GRID2: variants seen among roughly 807,000 people sequenced by gnomAD.
GRID2 encodes the protein glutamate receptor ionotropic, delta-2.
Under a neutral mutation model 114.8 loss-of-function variants are expected in GRID2, and 33 were observed. The observed-to-expected ratio is 0.29, with a 90% CI of 0.22 to 0.38. The LOEUF is 0.38. Among genes scored for constraint, GRID2 ranks in the 10% least tolerant of loss-of-function variants. The pLI, the probability that GRID2 is intolerant of heterozygous loss-of-function variation, is 1.00. For missense variants in GRID2, 1,184 were observed against 1,257.7 expected (o/e 0.94, Z 0.89); for synonymous variants, 505 against 449.9 (o/e 1.12, Z -1.55).
chr4:92,808,624 G>T (rs1740526014), intron 2 of GRID2, among the ~76,000 whole-genome samples: 1 of 151,916 alleles, frequency 6.6e-6, no homozygotes. Flanking sequence ...TTATAAACAG[G>T]ACCAGAGAAC....
At chr4:92,356,419 A>T (rs1202670966) in intron 1 of GRID2, among the ~76,000 whole-genome samples, 1 of 151,520 alleles carries the variant, frequency 6.6e-6, no homozygotes, top group African/African-American at 2.4e-5. Flanking sequence ...TATTTTAATG[A>T]TCTCTTTTAC....
intron 1 of GRID2, among the ~76,000 whole-genome samples, chr4:92,452,824 C>T (rs1720998556): frequency 1.5e-5 from 2 of 130,672 alleles, no homozygotes; most frequent in South Asian, 4.7e-4. Flanking sequence ...ATATGTTTAC[C>T]ATATATATAT....
At chr4:92,889,883 T>C in intron 2 of GRID2, among the ~76,000 whole-genome samples, 1 of 152,102 alleles carries the variant, frequency 6.6e-6, no homozygotes, top group South Asian at 2.1e-4. Context: ...AAGGCTACAG[T>C]AACCAAACAG....
intron 2 of GRID2, among the ~76,000 whole-genome samples, chr4:92,954,522 G>C (rs1483745105): frequency 6.6e-6 from 1 of 151,838 alleles, no homozygotes; most frequent in African/African-American, 2.4e-5. Context: ...CACCTCCCAG[G>C]TTCGCGCCAT....
intron 2 of GRID2, among the ~76,000 whole-genome samples, chr4:92,740,952 C>T (rs1311274733): frequency 6.6e-6 from 1 of 152,032 alleles, no homozygotes; most frequent in Non-Finnish European, 1.5e-5. Flanking sequence ...AGGGGTTTCA[C>T]CATGTTGGGC....
At chr4:92,988,542 GAAGA>G (rs1754649033) in intron 2 of GRID2, among the ~76,000 whole-genome samples, 1 of 152,148 alleles carries the variant, frequency 6.6e-6, no homozygotes, top group African/African-American at 2.4e-5. Flanking sequence ...GATCTCACTT[GAAGA>G]GAGAGGATTG....
At chr4:92,576,753 A>G (rs1330602431) in intron 1 of GRID2, among the ~76,000 whole-genome samples, 1 of 152,130 alleles carries the variant, frequency 6.6e-6, no homozygotes, top group East Asian at 1.9e-4. Flanking sequence ...CTGGGATCAC[A>G]CAATCACTCA....
intron 2 of GRID2, among the ~76,000 whole-genome samples, chr4:92,646,817 A>G (rs1579756975): frequency 1.3e-5 from 2 of 152,132 alleles, no homozygotes; most frequent in South Asian, 4.1e-4. Flanking sequence ...TTCATTTATC[A>G]TTATTATCAC....
At position 93,631,415 on chromosome 4, in the gene GRID2, T is replaced by G. The variant is rs1372624718; in HGVS notation, c.2360+4980T>G. Among the ~76,000 whole-genome samples, 3 of 152,176 alleles carry G rather than the reference T, an allele frequency of 2.0e-5. No individual in the cohort carries two copies. The East Asian group carries it at 5.8e-4, about 29-fold the overall frequency. ...GGTGTGTGATGCTCCCCTTCCCGTG[T>G]CCAAGTGTTCTCATTGTTCAATTCC... On this transcript the variant is annotated intron_variant, in intron 14 of 15. Transcript: ENST00000282020.
intron 2 of GRID2, among the ~76,000 whole-genome samples, chr4:92,595,052 A>G (rs960035091): frequency 6.6e-6 from 1 of 152,128 alleles, no homozygotes; most frequent in South Asian, 2.1e-4. Context: ...GAAGTGAAGC[A>G]TCATTCTTTG....
chr4:92,678,216 G>C (rs186681817), intron 2 of GRID2, among the ~76,000 whole-genome samples: 5 of 151,934 alleles, frequency 3.3e-5, no homozygotes, highest in African/African-American at 1.2e-4. Context: ...AGCCTTCTCT[G>C]CTGTACTTTT....
At chr4:92,791,265 T>G (rs1161772349) in intron 2 of GRID2, among the ~76,000 whole-genome samples, 1 of 151,732 alleles carries the variant, frequency 6.6e-6, no homozygotes, top group African/African-American at 2.4e-5. Context: ...TTCAGCCTTA[T>G]TACTTCCCGC....
At chr4:93,124,765 A>G (rs572149068) in intron 4 of GRID2, among the ~76,000 whole-genome samples, 1 of 152,182 alleles carries the variant, frequency 6.6e-6, no homozygotes, top group Non-Finnish European at 1.5e-5. Flanking sequence ...TAATACAAAT[A>G]GGAGGGAAAA....
intron 1 of GRID2, among the ~76,000 whole-genome samples, chr4:92,564,562 G>A (rs926039275): frequency 1.3e-5 from 2 of 151,900 alleles, no homozygotes; most frequent in East Asian, 1.9e-4. Context: ...TCTTTAGAGA[G>A]TAGAAGGGTT....
At chr4:93,162,285 T>C (rs1030224737) in intron 4 of GRID2, among the ~76,000 whole-genome samples, 3 of 152,014 alleles carry the variant, frequency 2.0e-5, no homozygotes, top group Admixed American at 1.3e-4. Flanking sequence ...TTAATTAAAT[T>C]GTATATATTC....
intron 2 of GRID2, among the ~76,000 whole-genome samples, chr4:92,962,104 A>G (rs938169559): frequency 6.6e-6 from 1 of 151,950 alleles, no homozygotes; most frequent in African/African-American, 2.4e-5. Flanking sequence ...TTCTTAGCAT[A>G]TAAACTGTAG....
intron 8 of GRID2, among the ~76,000 whole-genome samples, chr4:93,391,364 T>C (rs1194734816): frequency 6.6e-6 from 1 of 152,198 alleles, no homozygotes; most frequent in Non-Finnish European, 1.5e-5. Context: ...TCTAAGTGGC[T>C]GGCTTTTAAG....
At chr4:93,131,770 G>A (rs1264041086) in intron 4 of GRID2, among the ~76,000 whole-genome samples, 1 of 151,976 alleles carries the variant, frequency 6.6e-6, no homozygotes, top group Non-Finnish European at 1.5e-5. Flanking sequence ...CTTCATGTTG[G>A]AAACATTCCT....
At chr4:92,394,132 A>C (rs1246989311) in intron 1 of GRID2, among the ~76,000 whole-genome samples, 1 of 152,262 alleles carries the variant, frequency 6.6e-6, no homozygotes, top group South Asian at 2.1e-4. Context: ...GAAATGCCTC[A>C]TTGTCCAACT....
Sources: allele counts gnomAD v4.1 joint callset (sites outside exome capture counted in the v4.1 genomes callset), GRCh38; gene constraint gnomAD v4.1.1; transcripts MANE v1.5; gene names NCBI Gene and HGNC (gene_info 2026-07-23, HGNC 2026-07-21).